Variants in CAMKMT observed in about 807,000 individuals in gnomAD.
CAMKMT encodes calmodulin-lysine N-methyltransferase, also known as CaM KMT.
CAMKMT carries 53 observed loss-of-function variants against 48.0 expected under a neutral mutation model. The observed-to-expected ratio is 1.10, with a 90% confidence interval of 0.89 to 1.39. The LOEUF (loss-of-function observed/expected upper bound fraction) is 1.39, where lower values mean the gene tolerates loss of function less well. CAMKMT is among the 40% of genes most tolerant of loss of function. The pLI is 0.00. For synonymous variants in CAMKMT, 165 were observed against 152.3 expected, an observed-to-expected ratio of 1.08 and a Z score of -0.61; for missense variants, 428 against 402.7, an observed-to-expected ratio of 1.06 and a Z score of -0.54.
chr2:44,362,218 C>T lies in CAMKMT; in HGVS notation c.138+73C>T. ...CTCACGTACCGGGGGAGCGACTGTTCGCAGTTCTTTCCTCTTGGCAGCTCT... is the reference window on the plus strand; with the variant it reads ...CTCACGTACCGGGGGAGCGACTGTTTGCAGTTCTTTCCTCTTGGCAGCTCT... On this transcript the variant is annotated intron_variant, in intron 1 of 10. Coordinates refer to ENST00000378494, the MANE Select transcript of CAMKMT (RefSeq NM_024766.5). 6.9e-6 allele frequency: 9 copies of T among 1,308,408 alleles called. No individual in the cohort carries two copies. In the South Asian group the frequency reaches 9.5e-5, roughly 14 times the overall value. 81.0% of individuals were successfully genotyped at this position (1,308,408 alleles called of 1,614,324 possible). A position where few individuals can be genotyped will look rare whatever the true frequency, so the allele number is the denominator to read the frequency against.
intron 2 of CAMKMT, among the ~76,000 whole-genome samples, chr2:44,385,019 T>C (rs2104398619): frequency 6.6e-6 from 1 of 152,296 alleles, no homozygotes; most frequent in African/African-American, 2.4e-5. Context: ...CGGTGAAGAA[T>C]GATGGTGGTA....
Position 44,704,282 on chromosome 2 carries a change from G to A in CAMKMT, c.377-1G>A. The A allele has an allele frequency of 6.2e-7, 1 of 1,609,058 alleles. No individual in the cohort carries two copies. Among genetic ancestry groups the A allele is most frequent in the South Asian group, 1.1e-5 (1 of 90,156 alleles). On this transcript the variant is annotated splice_acceptor_variant, in intron 3 of 10. Coordinates refer to ENST00000378494, the MANE Select transcript of CAMKMT (RefSeq NM_024766.5). LOFTEE classifies it high-confidence loss of function. The stretch of plus-strand genomic sequence containing the variant: ...AAGGTTTATCCTCTTGTGTTTTCTA[G>A]GCATCTGGCCATCTGAAGAGGTTTT...
At chr2:44,720,134 G>A (rs1416305529) in intron 7 of CAMKMT, among the ~76,000 whole-genome samples, 7 of 152,120 alleles carry the variant, frequency 4.6e-5, no homozygotes, top group Non-Finnish European at 7.4e-5. Context: ...ACTCCCATAA[G>A]AACGTTAGCC....
At chr2:44,559,035 A>T (rs139913096) in intron 3 of CAMKMT, among the ~76,000 whole-genome samples, 506 of 152,234 alleles carry the variant, frequency 3.3e-3, no homozygotes, top group African/African-American at 0.011. Flanking sequence ...TGTCTATCTA[A>T]CTATCTATCT....
chr2:44,376,596 ATCTT>A (rs1489940220), intron 2 of CAMKMT, among the ~76,000 whole-genome samples: 1 of 152,152 alleles, frequency 6.6e-6, no homozygotes, highest in Non-Finnish European at 1.5e-5. Context: ...AGTTTTGTCT[ATCTT>A]AAACTTTTGC....
At position 44,383,948 on chromosome 2, in the gene CAMKMT, G is replaced by A. The variant is rs186689792; in HGVS notation, c.312-6293G>A. Among the ~76,000 whole-genome samples the A allele has an allele frequency of 7.9e-5, 12 of 152,266 alleles. No individual in the cohort carries two copies. In the East Asian group the frequency reaches 2.3e-3, roughly 29 times the overall value. On this transcript the variant is annotated intron_variant, in intron 2 of 10. Coordinates refer to ENST00000378494, the MANE Select transcript of CAMKMT (RefSeq NM_024766.5). ...CTGCTATAAACATGAGTGTGCAAGGGTCTTTTTCGAATAATGACTTATTTT... is the reference window on the plus strand; with the variant it reads ...CTGCTATAAACATGAGTGTGCAAGGATCTTTTTCGAATAATGACTTATTTT...
At chr2:44,671,540 T>G (rs1295781007) in intron 3 of CAMKMT, among the ~76,000 whole-genome samples, 1 of 152,218 alleles carries the variant, frequency 6.6e-6, no homozygotes, top group Non-Finnish European at 1.5e-5. Context: ...ACAGCAGCAG[T>G]GGCCTCCACT....
intron 3 of CAMKMT, among the ~76,000 whole-genome samples, chr2:44,399,688 C>A (rs1682183506): frequency 6.6e-6 from 1 of 151,444 alleles, no homozygotes; most frequent in Admixed American, 6.6e-5. Context: ...CTCTTGTCTT[C>A]CATTTTATCC....
chr2:44,606,504 G>T (rs1220368832), intron 3 of CAMKMT, among the ~76,000 whole-genome samples: 1 of 152,182 alleles, frequency 6.6e-6, no homozygotes, highest in African/African-American at 2.4e-5. Context: ...CAAGGAGTCT[G>T]TGACAGCATT....
chr2:44,592,401 A>G (rs535373267), intron 3 of CAMKMT, among the ~76,000 whole-genome samples: 2 of 152,072 alleles, frequency 1.3e-5, no homozygotes, highest in South Asian at 2.1e-4. Context: ...TTATCTTTTT[A>G]CCATCTATAG....
At chr2:44,616,259 G>A (rs964958592) in intron 3 of CAMKMT, among the ~76,000 whole-genome samples, 1 of 152,162 alleles carries the variant, frequency 6.6e-6, no homozygotes, top group Non-Finnish European at 1.5e-5. Context: ...AAAAACACAA[G>A]TTTGCTCCTG....
intron 3 of CAMKMT, among the ~76,000 whole-genome samples, chr2:44,614,352 C>A (rs1010973136): frequency 6.6e-6 from 1 of 152,124 alleles, no homozygotes; most frequent in Non-Finnish European, 1.5e-5. Context: ...GTGAGAATGA[C>A]GGAGAAGTAA....
intron 1 of CAMKMT, among the ~76,000 whole-genome samples, chr2:44,367,912 C>T (rs752937494): frequency 2.0e-5 from 3 of 152,198 alleles, no homozygotes; most frequent in African/African-American, 7.2e-5. Flanking sequence ...TAGCCTTACT[C>T]CTCTACCCAT....
At chr2:44,555,824 C>T (rs1201517136) in intron 3 of CAMKMT, among the ~76,000 whole-genome samples, 1 of 152,020 alleles carries the variant, frequency 6.6e-6, no homozygotes, top group South Asian at 2.1e-4. Flanking sequence ...AGTGGCCAAC[C>T]ATGTCAAATC....
At chr2:44,537,109 AT>A (rs1357754930) in intron 3 of CAMKMT, among the ~76,000 whole-genome samples, 1 of 152,224 alleles carries the variant, frequency 6.6e-6, no homozygotes, top group Admixed American at 6.5e-5. Context: ...CTAGGCAAAG[AT>A]TTTATAGTTA....
At chr2:44,606,995 C>T (rs1169708206) in intron 3 of CAMKMT, among the ~76,000 whole-genome samples, 1 of 152,178 alleles carries the variant, frequency 6.6e-6, no homozygotes, top group Non-Finnish European at 1.5e-5. Context: ...ATTAGTAGCT[C>T]ATAATCAACA....
At chr2:44,445,672 T>C (rs555701170) in intron 3 of CAMKMT, among the ~76,000 whole-genome samples, 7 of 105,592 alleles carry the variant, frequency 6.6e-5, no homozygotes, top group African/African-American at 2.3e-4. Flanking sequence ...TTTTTTTTTT[T>C]TTTTTTTTTT....
At chr2:44,410,324 T>G (rs1438377211) in intron 3 of CAMKMT, among the ~76,000 whole-genome samples, 3 of 107,552 alleles carry the variant, frequency 2.8e-5, no homozygotes, top group Admixed American at 1.8e-4. Context: ...TGGCGCGATC[T>G]TGGCTCACTG....
At chr2:44,599,694 G>GA (rs1481160242) in intron 3 of CAMKMT, among the ~76,000 whole-genome samples, 1 of 151,906 alleles carries the variant, frequency 6.6e-6, no homozygotes, top group Non-Finnish European at 1.5e-5. Flanking sequence ...TTAGGGCTTA[G>GA]ATTCCACAAA....
Sources: gnomAD v4.1 joint callset for allele counts (sites outside exome capture counted in the v4.1 genomes callset) on GRCh38, gnomAD v4.1.1 for gene constraint, MANE v1.5 for transcripts, NCBI Gene and HGNC (gene_info 2026-07-23, HGNC 2026-07-21) for gene names.